ADORA2B: variants seen among roughly 807,000 people sequenced by gnomAD.
ADORA2B encodes adenosine A2b receptor, also known as adenosine receptor A2b.
A neutral mutation model predicts 20.8 loss-of-function variants in ADORA2B; 18 were observed. The ratio of observed to expected loss-of-function variants is 0.87; its 90% CI spans 0.60 to 1.29. The LOEUF (loss-of-function observed/expected upper bound fraction) is 1.29, where lower values mean the gene tolerates loss of function less well. Among genes scored for constraint, ADORA2B ranks in the 50% most tolerant of loss-of-function variants. ADORA2B has a pLI of 0.00. For missense variants in ADORA2B, 441 were observed against 422.7 expected, an observed-to-expected ratio of 1.04 and a Z score of -0.38; for synonymous variants, 179 against 178.3, an observed-to-expected ratio of 1.00 and a Z score of -0.03.
the ADORA2B span, among the ~76,000 whole-genome samples, chr17:15,926,839 T>C: frequency 6.6e-6 from 1 of 152,060 alleles, no homozygotes; most frequent in African/African-American, 2.4e-5. Flanking sequence ...AGCGTGGTAG[T>C]GTCTACCTGT....
the ADORA2B span, among the ~76,000 whole-genome samples, chr17:15,922,052 A>G: frequency 6.6e-6 from 1 of 152,168 alleles, no homozygotes; most frequent in Non-Finnish European, 1.5e-5. Flanking sequence ...GACAGTTTAT[A>G]TACTTTTTCA....
the ADORA2B span, among the ~76,000 whole-genome samples, chr17:15,875,549 C>T: frequency 3.3e-5 from 5 of 152,170 alleles, no homozygotes; most frequent in Non-Finnish European, 7.4e-5. Context: ...TTTATTCACC[C>T]TCCACTTAAA....
At chr17:15,856,799 C>T in the ADORA2B span, among the ~76,000 whole-genome samples, 4 of 152,274 alleles carry the variant, frequency 2.6e-5, no homozygotes, top group South Asian at 8.3e-4. Context: ...GAAATTGGAA[C>T]TTATGTTTCA....
the ADORA2B span, among the ~76,000 whole-genome samples, chr17:15,922,980 G>A: frequency 6.6e-6 from 1 of 152,014 alleles, no homozygotes; most frequent in Non-Finnish European, 1.5e-5. Context: ...TCTGTGAACT[G>A]CTTTTTCATA....
At chr17:15,861,949 G>A in the ADORA2B span, among the ~76,000 whole-genome samples, 2 of 152,032 alleles carry the variant, frequency 1.3e-5, no homozygotes, top group Non-Finnish European at 2.9e-5. Context: ...CACCACCCCT[G>A]CCCACCTGCC....
At chr17:15,966,186 G>C (rs965215938) in intron 1 of ADORA2B, among the ~76,000 whole-genome samples, 1 of 152,236 alleles carries the variant, frequency 6.6e-6, no homozygotes, top group Non-Finnish European at 1.5e-5. Context: ...ACTATAAACG[G>C]AAGAAACATC....
At chr17:15,907,861 C>T in the ADORA2B span, among the ~76,000 whole-genome samples, 5 of 152,148 alleles carry the variant, frequency 3.3e-5, no homozygotes, top group East Asian at 3.9e-4. Context: ...GGTGAGCGTA[C>T]GCTGCACACT....
the ADORA2B span, among the ~76,000 whole-genome samples, chr17:15,933,024 C>T: frequency 6.7e-5 from 10 of 148,680 alleles, no homozygotes; most frequent in East Asian, 9.8e-4. Context: ...GGCACCATCT[C>T]GGCTCACTGC....
At chr17:15,957,106 A>T (rs1969976101) in intron 1 of ADORA2B, among the ~76,000 whole-genome samples, 2 of 152,260 alleles carry the variant, frequency 1.3e-5, no homozygotes, top group Admixed American at 1.3e-4. Context: ...GGAAAAAAGC[A>T]TGACCAGGGC....
the ADORA2B span, among the ~76,000 whole-genome samples, chr17:15,898,119 A>T: frequency 1.3e-5 from 2 of 152,298 alleles, no homozygotes; most frequent in South Asian, 4.1e-4. Flanking sequence ...AAACTTACAC[A>T]TCTGACCAGG....
At chr17:15,918,799 C>A in the ADORA2B span, among the ~76,000 whole-genome samples, 1 of 152,164 alleles carries the variant, frequency 6.6e-6, no homozygotes, top group Non-Finnish European at 1.5e-5. Flanking sequence ...CGTAAGTACA[C>A]CTCCTGCAAT....
At chr17:15,957,832 C>T (rs566504026) in intron 1 of ADORA2B, among the ~76,000 whole-genome samples, 4 of 152,298 alleles carry the variant, frequency 2.6e-5, no homozygotes, top group African/African-American at 7.2e-5. Context: ...ACCTGTTTTG[C>T]GCCAGTCCCG....
chr17:15,914,903 G>T, the ADORA2B span, among the ~76,000 whole-genome samples: 1 of 152,210 alleles, frequency 6.6e-6, no homozygotes, highest in Non-Finnish European at 1.5e-5. Context: ...CAAAGTTCAG[G>T]TCTTTTGGGG....
chr17:15,948,766 C>T (rs1377093386), intron 1 of ADORA2B, among the ~76,000 whole-genome samples: 6 of 152,176 alleles, frequency 3.9e-5, no homozygotes, highest in Non-Finnish European at 8.8e-5. Context: ...CCTGCCCAGT[C>T]ACCCTCTCTG....
At chr17:15,888,179 G>A in the ADORA2B span, among the ~76,000 whole-genome samples, 1 of 128,138 alleles carries the variant, frequency 7.8e-6, no homozygotes, top group East Asian at 2.1e-4. Context: ...CAGCAGATAC[G>A]AAAGAAATCA....
intron 1 of ADORA2B, among the ~76,000 whole-genome samples, chr17:15,971,040 T>C (rs1970183896): frequency 6.6e-6 from 1 of 152,212 alleles, no homozygotes; most frequent in South Asian, 2.1e-4. Context: ...ATGTATCCAC[T>C]AGACCAATCA....
At chr17:15,918,044 A>G in the ADORA2B span, among the ~76,000 whole-genome samples, 1 of 151,936 alleles carries the variant, frequency 6.6e-6, no homozygotes, top group Non-Finnish European at 1.5e-5. Flanking sequence ...TAGAAACAAC[A>G]TTGCTATCTC....
chr17:15,922,954 T>A, the ADORA2B span, among the ~76,000 whole-genome samples: 1 of 152,188 alleles, frequency 6.6e-6, no homozygotes, highest in Non-Finnish European at 1.5e-5. Context: ...TTTAAAATTC[T>A]GTTTGTGTTC....
chr17:15,954,408 G>C (rs1470587957), intron 1 of ADORA2B, among the ~76,000 whole-genome samples: 3 of 152,262 alleles, frequency 2.0e-5, no homozygotes, highest in African/African-American at 4.8e-5. Flanking sequence ...CCACATCCTC[G>C]TGATCACCCA....
Sources: allele counts gnomAD v4.1 joint callset (sites outside exome capture counted in the v4.1 genomes callset), GRCh38; gene constraint gnomAD v4.1.1; transcripts MANE v1.5; gene names NCBI Gene and HGNC (gene_info 2026-07-23, HGNC 2026-07-21).